The following MAGI3 variants were observed in gnomAD, a reference collection of about 807,000 sequenced individuals.
MAGI3 encodes membrane associated guanylate kinase, WW and PDZ domain containing 3.
A neutral mutation model predicts 121.8 loss-of-function variants in MAGI3; 43 were observed. That is an observed-to-expected ratio of 0.35 (90% CI 0.28 to 0.46). The LOEUF (loss-of-function observed/expected upper bound fraction) is 0.46, where lower values mean the gene tolerates loss of function less well. MAGI3 is among the 20% of genes least tolerant of loss of function. MAGI3 has a pLI of 1.00. For missense variants in MAGI3, 1,547 were observed against 1,797.3 expected, an observed-to-expected ratio of 0.86 and a Z score of 2.52; for synonymous variants, 553 against 639.3, an observed-to-expected ratio of 0.86 and a Z score of 2.04.
intron 6 of MAGI3, among the ~76,000 whole-genome samples, chr1:113,606,614 TC>T (rs1302998477): frequency 6.6e-6 from 1 of 152,176 alleles, no homozygotes; most frequent in African/African-American, 2.4e-5. Flanking sequence ...TATTTCTGTT[TC>T]CTCTTGCTTT....
At chr1:113,451,384 A>G (rs528070586) in intron 1 of MAGI3, among the ~76,000 whole-genome samples, 50 of 152,276 alleles carry the variant, frequency 3.3e-4, no homozygotes, top group African/African-American at 1.1e-3. Context: ...AATAATTTAT[A>G]TATGTTAAAG....
intron 1 of MAGI3, among the ~76,000 whole-genome samples, chr1:113,430,996 A>C (rs983513536): frequency 3.9e-5 from 6 of 152,226 alleles, no homozygotes; most frequent in Non-Finnish European, 4.4e-5. Flanking sequence ...AAATGAATAG[A>C]TAACTACAAA....
intron 3 of MAGI3, 129 bp from the exon 4 acceptor site, chr1:113,585,258 A>G (rs1648290763): frequency 6.3e-6 from 5 of 792,762 alleles, no homozygotes; most frequent in Non-Finnish European, 1.0e-5. Flanking sequence ...GTGAGCCACC[A>G]TGCCCACCCC....
chr1:113,393,960 A>G lies in MAGI3; in HGVS notation c.316+2611A>G, dbSNP rs952374418. Among the ~76,000 whole-genome samples, 3 of 152,154 alleles carry G rather than the reference A, an allele frequency of 2.0e-5. No individual in the cohort carries two copies. In the East Asian group the frequency reaches 5.8e-4, roughly 29 times the overall value. On this transcript the variant is annotated intron_variant, in intron 1 of 20. Coordinates refer to ENST00000307546, the MANE Select transcript of MAGI3 (RefSeq NM_001142782.2). The stretch of plus-strand genomic sequence containing the variant: ...CACAGTGAAAGAGTAAAATTTAACC[A>G]TTTTTGTAAGATGTAATACTAATCG...
chr1:113,533,394 G>A (rs903185443), intron 1 of MAGI3, among the ~76,000 whole-genome samples: 3 of 152,116 alleles, frequency 2.0e-5, no homozygotes, highest in African/African-American at 7.2e-5. Flanking sequence ...GAGTACACAT[G>A]GATAGAAAGA....
chr1:113,509,486 G>C (rs1330689153), intron 1 of MAGI3, among the ~76,000 whole-genome samples: 1 of 132,602 alleles, frequency 7.5e-6, no homozygotes, highest in African/African-American at 2.8e-5. Flanking sequence ...AAAAATCCAT[G>C]ACACCTTGAT....
chr1:113,517,341 T>A (rs938046275), intron 1 of MAGI3, among the ~76,000 whole-genome samples: 15 of 151,848 alleles, frequency 9.9e-5, no homozygotes, highest in Admixed American at 7.2e-4. Context: ...TTATTTTTTT[T>A]AAAAAGGCCT....
At chr1:113,635,370 G>A (rs1416244866) in intron 9 of MAGI3, among the ~76,000 whole-genome samples, 1 of 152,118 alleles carries the variant, frequency 6.6e-6, no homozygotes, top group Admixed American at 6.5e-5. Context: ...GTTTGTCATA[G>A]ATAGCTCTTA....
chr1:113,503,223 A>G (rs1657119710), intron 1 of MAGI3, among the ~76,000 whole-genome samples: 2 of 27,612 alleles, frequency 7.2e-5, no homozygotes, highest in South Asian at 3.9e-3. Context: ...TATAATTAAA[A>G]AAAAAAAAAA....
In MAGI3 at chr1:113,622,928, G is replaced by A. The variant is rs1650924641; in HGVS notation, c.1294G>A (p.Glu432Lys). Residue 432 changes from glutamate (E) to lysine (K), a missense_variant, in exon 9 of 21, where the codon GAG (glutamate) becomes AAG (lysine). Coordinates refer to ENST00000307546, the MANE Select transcript of MAGI3 (RefSeq NM_001142782.2). ...FTIIGGDRPDEFLQVKNVLKD... is the reference protein window; with the variant it reads ...FTIIGGDRPDKFLQVKNVLKD... Reference sequence around the variant, plus strand: ...TATTATTGGTGGAGATAGACCTGATGAGTTCCTACAAGTGAAAAATGTGCT... The same window carrying A: ...TATTATTGGTGGAGATAGACCTGATAAGTTCCTACAAGTGAAAAATGTGCT... 1.3e-6 allele frequency: 2 copies of A among 1,593,582 alleles called. No individual in the cohort carries two copies. The highest frequency in any genetic ancestry group is 1.4e-5 in the African/African-American group (1 of 73,586).
chr1:113,653,898 C>T lies in MAGI3; in HGVS notation c.2509C>T (p.Arg837Trp), dbSNP rs557336196. ...STQNGSPRLN[R>W]AEVPARPAPQ... is the part of the protein sequence containing the mutation. ...ACAGAATGGATCTCCCCGCCTGAACCGGGCAGAGGTCCCAGCCAGGCCTGC... is the reference window on the plus strand; with the variant it reads ...ACAGAATGGATCTCCCCGCCTGAACTGGGCAGAGGTCCCAGCCAGGCCTGC... The change falls in exon 15 of 21, where the codon CGG becomes TGG. Residue 837 changes from arginine to tryptophan, a missense_variant. Arg to Trp is a moderately radical substitution (Grantham distance 101, BLOSUM62 -3). Coordinates refer to ENST00000307546, the MANE Select transcript of MAGI3 (RefSeq NM_001142782.2). 9.3e-6 allele frequency: 15 copies of T among 1,613,856 alleles called. No homozygotes were observed. The Admixed American group carries it at 1.0e-4, about 11-fold the overall frequency.
At position 113,619,730 on chromosome 1, in the gene MAGI3, C is replaced by A; in HGVS notation, c.1077-6C>A. The stretch of plus-strand genomic sequence containing the variant: ...ACTGAAATGTATATTTTTCTGCATT[C>A]TACAGTCACCTTAACCAGAAAACCC... On this transcript the variant is annotated splice_polypyrimidine_tract_variant and splice_region_variant and intron_variant, in intron 7 of 20. Transcript: ENST00000307546. 6.3e-7 allele frequency: 1 copy of A among 1,596,352 alleles called. No homozygotes were observed.
At chr1:113,407,332 A>G (rs1276038408) in intron 1 of MAGI3, among the ~76,000 whole-genome samples, 1 of 152,120 alleles carries the variant, frequency 6.6e-6, no homozygotes, top group Non-Finnish European at 1.5e-5. Flanking sequence ...GAGGAACTAA[A>G]TAAGACTTAA....
chr1:113,667,932 G>C (rs757158313), intron 16 of MAGI3, among the ~76,000 whole-genome samples: 12 of 152,170 alleles, frequency 7.9e-5, no homozygotes, highest in Non-Finnish European at 1.8e-4. Context: ...TATCGATTAT[G>C]TTTGCCATTT....
chr1:113,583,925 A>G (rs768647712), intron 3 of MAGI3, among the ~76,000 whole-genome samples: 1 of 152,218 alleles, frequency 6.6e-6, no homozygotes, highest in Non-Finnish European at 1.5e-5. Context: ...TATTTTAATG[A>G]CAATTACTGC....
At chr1:113,575,705 A>T (rs913939555) in intron 2 of MAGI3, among the ~76,000 whole-genome samples, 2 of 152,202 alleles carry the variant, frequency 1.3e-5, no homozygotes, top group Non-Finnish European at 2.9e-5. Context: ...GTCCCTTAGC[A>T]GAGCTTGAGC....
chr1:113,415,277 T>C (rs988647575), intron 1 of MAGI3, among the ~76,000 whole-genome samples: 2 of 152,058 alleles, frequency 1.3e-5, no homozygotes, highest in African/African-American at 4.8e-5. Flanking sequence ...TGTTGGGTGT[T>C]TTTGAATTGT....
At chr1:113,517,987 C>T (rs944622228) in intron 1 of MAGI3, among the ~76,000 whole-genome samples, 1 of 152,048 alleles carries the variant, frequency 6.6e-6, no homozygotes, top group African/African-American at 2.4e-5. Flanking sequence ...TATAATGGTT[C>T]CTCATTGCAT....
chr1:113,620,465 G>A (rs1479085334), intron 8 of MAGI3, among the ~76,000 whole-genome samples: 1 of 152,044 alleles, frequency 6.6e-6, no homozygotes. Context: ...GGTATATATG[G>A]CCATATTGTA....
Sources: allele counts gnomAD v4.1 joint callset (sites outside exome capture counted in the v4.1 genomes callset), GRCh38; gene constraint gnomAD v4.1.1; transcripts MANE v1.5; gene names NCBI Gene and HGNC (gene_info 2026-07-23, HGNC 2026-07-21).